Variants in ZMIZ1 observed in about 807,000 individuals in gnomAD.
ZMIZ1 encodes the protein zinc finger MIZ domain-containing protein 1.
Under a neutral mutation model 113.9 loss-of-function variants are expected in ZMIZ1, and 17 were observed. That is an observed-to-expected ratio of 0.15 (90% CI 0.10 to 0.22). ZMIZ1 has a LOEUF of 0.22. ZMIZ1 is among the 10% of genes least tolerant of loss of function. ZMIZ1 has a pLI of 1.00. For missense variants in ZMIZ1, 1,059 were observed against 1,477.8 expected (o/e 0.72, Z 4.65); for synonymous variants, 607 against 603.1 (o/e 1.01, Z -0.09).
At chr10:79,241,815 G>A (rs1289883245) in intron 7 of ZMIZ1, among the ~76,000 whole-genome samples, 1 of 152,176 alleles carries the variant, frequency 6.6e-6, no homozygotes, top group Non-Finnish European at 1.5e-5. Flanking sequence ...CTGAGAAGAG[G>A]GGATGGAGTC....
intron 7 of ZMIZ1, among the ~76,000 whole-genome samples, chr10:79,245,433 T>A (rs895898843): frequency 1.4e-4 from 22 of 152,288 alleles, no homozygotes; most frequent in African/African-American, 5.1e-4. Flanking sequence ...CTGTGGTGCC[T>A]GGCGGATGGT....
At chr10:79,203,157 C>T (rs992704557) in intron 5 of ZMIZ1, among the ~76,000 whole-genome samples, 1 of 152,132 alleles carries the variant, frequency 6.6e-6, no homozygotes, top group Non-Finnish European at 1.5e-5. Flanking sequence ...CAGCCCCCTA[C>T]CCACCCAGCC....
rs1213944448 is a variant in ZMIZ1 at position 79,101,339 on chromosome 10, A to G, written c.-336-17576A>G. ...AGTTCCTAGTCTGGAAGTGAGGGAA[A>G]AACATCTGAGGCAGAGGGAACAGCA... On this transcript the variant is annotated intron_variant, in intron 1 of 24. Coordinates refer to ENST00000334512, the MANE Select transcript of ZMIZ1 (RefSeq NM_020338.4). Among the ~76,000 whole-genome samples, 4 of 152,262 alleles carry G rather than the reference A, an allele frequency of 2.6e-5. No homozygotes were observed. The East Asian group carries it at 7.7e-4, about 29-fold the overall frequency.
rs558213037 is a variant in ZMIZ1 at position 79,273,796 on chromosome 10, T to C, written c.281-3385T>C. ...AGGCTTTGGAGTATCTCACTGCCAATTGCTTAGCCCCTTGGAGGGTGGCCG... is the reference window on the plus strand; with the variant it reads ...AGGCTTTGGAGTATCTCACTGCCAACTGCTTAGCCCCTTGGAGGGTGGCCG... On this transcript the variant is annotated intron_variant, in intron 7 of 24. Transcript: ENST00000334512. 5.2e-5 allele frequency among the ~76,000 whole-genome samples: 8 copies of C among 152,392 alleles called. No individual in the cohort carries two copies. The South Asian group carries it at 1.4e-3, about 28-fold the overall frequency.
At chr10:79,103,275 T>A (rs1295061942) in intron 1 of ZMIZ1, among the ~76,000 whole-genome samples, 1 of 149,092 alleles carries the variant, frequency 6.7e-6, no homozygotes, top group African/African-American at 2.5e-5. Flanking sequence ...TGCACGGGGC[T>A]CGAGGGCCGT....
chr10:79,098,367 C>T (rs1209522720), intron 1 of ZMIZ1, among the ~76,000 whole-genome samples: 1 of 152,164 alleles, frequency 6.6e-6, no homozygotes, highest in East Asian at 1.9e-4. Flanking sequence ...GCTAGACAGG[C>T]AGGCTCCGAA....
rs1231805222 is a variant in ZMIZ1, at chr10:79,306,286, C to G, written c.2610C>G (p.Ser870=). The G allele has an allele frequency of 1.2e-5, 19 of 1,613,700 alleles. No homozygotes were observed. The highest frequency in any genetic ancestry group is 1.4e-5 in the Non-Finnish European group (17 of 1,180,018). ...TCGCAGCCCTGGGCCCCGGCCCGTC[C>G]CCCTATCCCCTCCCGCCTCCCCCAG... ...EMIAALGPGP[S]PYPLPPPPGG... is the part of the protein sequence containing the mutation. Residue 870 remains serine, a synonymous_variant, in exon 22 of 25, where the codon TCC becomes TCG. Coordinates refer to ENST00000334512, the MANE Select transcript of ZMIZ1 (RefSeq NM_020338.4).
At chr10:79,167,605 G>A (rs1259542270) in intron 4 of ZMIZ1, among the ~76,000 whole-genome samples, 3 of 152,160 alleles carry the variant, frequency 2.0e-5, no homozygotes, top group Non-Finnish European at 2.9e-5. Flanking sequence ...AAGGCGATGT[G>A]AGCAATTTCA....
chr10:79,293,422 G>T lies in ZMIZ1; in HGVS notation c.999G>T (p.Gln333His). 6.6e-7 allele frequency: 1 copy of T among 1,525,412 alleles called. No individual in the cohort carries two copies. The highest frequency in any genetic ancestry group is 8.8e-7 in the Non-Finnish European group (1 of 1,137,122). The allele number at this position is 1,525,412 out of a possible 1,614,324, so 94.5% of individuals were successfully genotyped here. ...TQAYNSQFMN[Q>H]PGPRGPASMG... is the part of the protein sequence containing the mutation. ...CGTATAACAGCCAATTCATGAACCA[G>T]CCCGGGCCGCGGGGGCCTGCCTCCA... The change falls in exon 12 of 25, where the codon CAG becomes CAT. Residue 333 changes from glutamine (Q) to histidine (H), a missense_variant. This residue lies in a region of ZMIZ1 where 83 missense variants were observed against 103.7 expected (regional missense o/e 0.80). Coordinates refer to ENST00000334512, the MANE Select transcript of ZMIZ1 (RefSeq NM_020338.4).
At chr10:79,290,766 G>A (rs1034735728) in intron 9 of ZMIZ1, 193 bp from the exon 10 acceptor site, 8 of 726,118 alleles carry the variant, frequency 1.1e-5, no homozygotes, top group African/African-American at 3.5e-5. Context: ...CATCCCCCAC[G>A]CCACCTGCCG....
chr10:79,142,216 A>G (rs569597460), intron 3 of ZMIZ1, among the ~76,000 whole-genome samples: 46 of 152,152 alleles, frequency 3.0e-4, no homozygotes, highest in Non-Finnish European at 6.5e-4. Context: ...GAGACGTTCA[A>G]GTGGAAAGAT....
chr10:79,316,349 C>G lies in ZMIZ1; in HGVS notation c.*3600C>G, dbSNP rs1855532920. The G allele has an allele frequency of 6.5e-6, 1 of 152,744 alleles. No individual in the cohort carries two copies. The highest frequency in any genetic ancestry group is 2.4e-5 in the African/African-American group (1 of 41,438). The allele number at this position is 152,744 out of a possible 1,614,324, so 9.5% of individuals were successfully genotyped here. A position where few individuals can be genotyped will look rare whatever the true frequency, so the allele number is the denominator to read the frequency against. ...TGATGTGACAACCTCTAATATTTAT[C>G]TAATAAATATGTATTCAGATGAAAC... On this transcript the variant is annotated 3_prime_UTR_variant, in exon 25 of 25. Coordinates refer to ENST00000334512, the MANE Select transcript of ZMIZ1 (RefSeq NM_020338.4).
chr10:79,195,044 T>C (rs1010147391), intron 4 of ZMIZ1, among the ~76,000 whole-genome samples: 4 of 152,188 alleles, frequency 2.6e-5, no homozygotes, highest in Non-Finnish European at 5.9e-5. Context: ...GGCCTTGGGC[T>C]GCCCTGGAAG....
chr10:79,310,879 T>TAC (rs1855103001), intron 23 of ZMIZ1, 45 bp from the exon 24 acceptor site: 5 of 1,582,968 alleles, frequency 3.2e-6, no homozygotes, highest in Admixed American at 1.7e-5. Flanking sequence ...TCGCCGTGCC[T>TAC]CCTCACCTCA....
chr10:79,103,356 G>C (rs1843437971), intron 1 of ZMIZ1, among the ~76,000 whole-genome samples: 1 of 152,198 alleles, frequency 6.6e-6, no homozygotes, highest in Non-Finnish European at 1.5e-5. Flanking sequence ...GGAAGGAAGT[G>C]AGAGTGGGAG....
rs2132126108 is a variant in ZMIZ1 at position 79,314,802 on chromosome 10, CTCAG to C, written c.*2058_*2061del. On this transcript the variant is annotated 3_prime_UTR_variant, in exon 25 of 25. Transcript: ENST00000334512. ...GGCAGCCCGCTATTTAGAGCCATCC[CTCAG>C]TCAGCTGGCAGGGACAAGCCAACGC... is the stretch of plus-strand genomic sequence containing the variant. 6.4e-6 allele frequency: 1 copy of C among 155,270 alleles called. No homozygotes were observed. The highest frequency in any genetic ancestry group is 2.4e-5 in the African/African-American group (1 of 41,586). 9.6% of individuals were successfully genotyped at this position (155,270 alleles called of 1,614,324 possible).
chr10:79,289,917 A>T, intron 9 of ZMIZ1, 28 bp downstream of exon 9: 1 of 1,598,478 alleles, frequency 6.3e-7, no homozygotes, highest in Non-Finnish European at 8.6e-7. Context: ...CCTCAGCCAC[A>T]GCTCTTTCTA....
intron 1 of ZMIZ1, among the ~76,000 whole-genome samples, chr10:79,116,292 G>C (rs1203326939): frequency 6.6e-6 from 1 of 152,064 alleles, no homozygotes; most frequent in Non-Finnish European, 1.5e-5. Flanking sequence ...TCTCGACCCT[G>C]GGGGAAGAGG....
In ZMIZ1 at chr10:79,197,840, C is replaced by T. The variant is rs927693018; in HGVS notation, c.-49-3744C>T. ...TACCTGACTCATAGGAGGAGCTCAG[C>T]ACATGGTCATCTAGTAGGTAAATGT... On this transcript the variant is annotated intron_variant, in intron 4 of 24. Coordinates refer to ENST00000334512, the MANE Select transcript of ZMIZ1 (RefSeq NM_020338.4). Among the ~76,000 whole-genome samples, 3 of 152,100 alleles carry T rather than the reference C, an allele frequency of 2.0e-5. No individual in the cohort carries two copies. The East Asian group carries it at 5.8e-4, about 29-fold the overall frequency.
Sources: gnomAD v4.1 joint callset for allele counts (sites outside exome capture counted in the v4.1 genomes callset) on GRCh38, gnomAD v4.1.1 for gene constraint, gnomAD v4.1.1 regional missense constraint, MANE v1.5 for transcripts, NCBI Gene and HGNC (gene_info 2026-07-23, HGNC 2026-07-21) for gene names.